The following SV2C variants were observed in gnomAD, a reference collection of about 807,000 sequenced individuals.
SV2C encodes the protein solute carrier family 22 member B3.
Under a neutral mutation model 79.7 loss-of-function variants are expected in SV2C, and 49 were observed. That is an observed-to-expected ratio of 0.61 (90% CI 0.49 to 0.78). The LOEUF is 0.78. Ranked by LOEUF, SV2C falls within the 30% of genes least tolerant of loss-of-function variation. The pLI, the probability that SV2C is intolerant of heterozygous loss-of-function variation, is 0.00. For synonymous variants in SV2C, 334 were observed against 333.2 expected (o/e 1.00, Z -0.03); for missense variants, 833 against 912.9 (o/e 0.91, Z 1.13).
At chr5:75,892,007 G>A in the SV2C span, among the ~76,000 whole-genome samples, 1 of 152,020 alleles carries the variant, frequency 6.6e-6, no homozygotes, top group Non-Finnish European at 1.5e-5. Flanking sequence ...ATTACTCCCT[G>A]ATTCCCAGGT....
downstream of SV2C, among the ~76,000 whole-genome samples, chr5:76,336,733 A>G (rs1749337873): frequency 6.6e-6 from 1 of 152,234 alleles, no homozygotes; most frequent in East Asian, 1.9e-4. Flanking sequence ...TCCACCAAAA[A>G]AACACAAAAA....
the SV2C span, among the ~76,000 whole-genome samples, chr5:76,031,965 A>G: frequency 6.6e-6 from 1 of 152,224 alleles, no homozygotes; most frequent in Non-Finnish European, 1.5e-5. Flanking sequence ...CAGCCTGAGT[A>G]AGATGGAAAG....
At chr5:76,209,268 A>G (rs973311120) in intron 3 of SV2C, among the ~76,000 whole-genome samples, 1 of 152,250 alleles carries the variant, frequency 6.6e-6, no homozygotes, top group Non-Finnish European at 1.5e-5. Flanking sequence ...GTGAGTAAAT[A>G]CAGATTGCAG....
the SV2C span, among the ~76,000 whole-genome samples, chr5:76,034,233 C>A: frequency 6.6e-6 from 1 of 151,868 alleles, no homozygotes; most frequent in South Asian, 2.1e-4. Flanking sequence ...AATTGAATAC[C>A]CTTTATTTCC....
intron 4 of SV2C, among the ~76,000 whole-genome samples, chr5:76,223,377 A>G (rs1235231973): frequency 6.8e-6 from 1 of 146,680 alleles, no homozygotes; most frequent in Non-Finnish European, 1.5e-5. Context: ...ACAATGAGTC[A>G]TGGTCAGGCC....
the SV2C span, among the ~76,000 whole-genome samples, chr5:75,916,362 T>TCCTCTTCCTTCCTCCTCCTCC: frequency 8.8e-6 from 1 of 113,904 alleles, no homozygotes. Flanking sequence ...CCTTCTCCTC[T>TCCTCTTCCTTCCTCCTCCTCC]CCTCCTCCTT....
intron 2 of SV2C, among the ~76,000 whole-genome samples, chr5:76,140,716 T>C (rs1350067811): frequency 1.3e-5 from 2 of 152,202 alleles, no homozygotes; most frequent in African/African-American, 4.8e-5. Context: ...TTGTGATGAT[T>C]TGGCATCTGA....
intron 4 of SV2C, among the ~76,000 whole-genome samples, chr5:76,277,730 C>T (rs1747064372): frequency 6.6e-6 from 1 of 150,760 alleles, no homozygotes; most frequent in Non-Finnish European, 1.5e-5. Context: ...TGCACGCCAG[C>T]CTGGGTGACC....
the SV2C span, among the ~76,000 whole-genome samples, chr5:75,859,991 TCCGAAGCTCCGGTCC>T: frequency 6.6e-6 from 1 of 152,126 alleles, no homozygotes; most frequent in Non-Finnish European, 1.5e-5. Flanking sequence ...TGAGCAAGCC[TCCGAAGCTCCGGTCC>T]CCTAGACCCG....
At chr5:76,246,372 A>G (rs1446618168) in intron 4 of SV2C, among the ~76,000 whole-genome samples, 4 of 152,178 alleles carry the variant, frequency 2.6e-5, no homozygotes, top group Admixed American at 6.5e-5. Context: ...CATATAAGTG[A>G]TTGTCTTGAA....
chr5:76,129,989 A>G (rs550838671), intron 1 of SV2C, among the ~76,000 whole-genome samples: 20 of 152,026 alleles, frequency 1.3e-4, no homozygotes, highest in African/African-American at 4.3e-4. Context: ...ATGTCTCTCA[A>G]CTTCATCATT....
chr5:76,327,921 C>G lies in SV2C; in HGVS notation c.*2374C>G, dbSNP rs1749058739. On this transcript the variant is annotated 3_prime_UTR_variant, in exon 13 of 13. Transcript: ENST00000502798. ...GCCATCCGTGTCCCCTGCAGAAGGA[C>G]CGTTCTTGGCCTACTTGTTACCTAA... is the stretch of plus-strand genomic sequence containing the variant. 1 of 152,236 alleles carries G rather than the reference C, an allele frequency of 6.6e-6. No homozygotes were observed. Among genetic ancestry groups the G allele is most frequent in the Non-Finnish European group, 1.5e-5 (1 of 68,074 alleles). 9.4% of individuals were successfully genotyped at this position (152,236 alleles called of 1,614,324 possible). A position where few individuals can be genotyped will look rare whatever the true frequency, so the allele number is the denominator to read the frequency against.
the SV2C span, chr5:75,910,920 T>C: frequency 2.1e-6 from 2 of 933,924 alleles, no homozygotes; most frequent in Non-Finnish European, 1.8e-6. Context: ...GTCTTTGTGG[T>C]GAAGGGACTA....
At chr5:75,968,463 A>G in the SV2C span, among the ~76,000 whole-genome samples, 2 of 152,214 alleles carry the variant, frequency 1.3e-5, no homozygotes, top group African/African-American at 4.8e-5. Flanking sequence ...AGAAAAACCA[A>G]TGCAGAGAAG....
At chr5:75,849,456 A>T in the SV2C span, among the ~76,000 whole-genome samples, 1 of 152,172 alleles carries the variant, frequency 6.6e-6, no homozygotes, top group Admixed American at 6.5e-5. Flanking sequence ...AAAAAAGACC[A>T]CTGTATAGAC....
intron 2 of SV2C, chr5:76,173,973 A>G (rs1561249224): frequency 1.3e-6 from 2 of 1,559,314 alleles, no homozygotes; most frequent in South Asian, 1.1e-5. Flanking sequence ...TTTTTCATGT[A>G]TAAATCCCTC....
chr5:76,189,072 C>G (rs911112181), intron 2 of SV2C, among the ~76,000 whole-genome samples: 4 of 152,098 alleles, frequency 2.6e-5, no homozygotes, highest in African/African-American at 9.7e-5. Flanking sequence ...GACCCAACAT[C>G]TAGCCCAAAC....
chr5:76,218,912 G>A (rs908266998), intron 4 of SV2C, among the ~76,000 whole-genome samples: 2 of 151,242 alleles, frequency 1.3e-5, no homozygotes, highest in Non-Finnish European at 2.9e-5. Context: ...TTAAAAAGAG[G>A]AATATTTAAA....
chr5:75,875,906 G>A, the SV2C span, among the ~76,000 whole-genome samples: 18,960 of 151,556 alleles, frequency 0.13, 1,391 homozygotes, highest in African/African-American at 0.22. Flanking sequence ...AATAACTATT[G>A]TTAAAAAGTC....
Sources: allele counts gnomAD v4.1 joint callset (sites outside exome capture counted in the v4.1 genomes callset), GRCh38; gene constraint gnomAD v4.1.1; transcripts MANE v1.5; gene names NCBI Gene and HGNC (gene_info 2026-07-23, HGNC 2026-07-21).